Variants in MTHFSD observed in about 807,000 individuals in gnomAD.
MTHFSD encodes the protein methenyltetrahydrofolate synthetase domain containing.
Under a neutral mutation model 31.1 loss-of-function variants are expected in MTHFSD, and 37 were observed. That is an observed-to-expected ratio of 1.19 (90% CI 0.91 to 1.56). The LOEUF (loss-of-function observed/expected upper bound fraction) is 1.56. MTHFSD is among the 40% of genes most tolerant of loss of function. MTHFSD has a pLI of 0.00. For synonymous variants in MTHFSD, 221 were observed against 206.9 expected, an observed-to-expected ratio of 1.07 and a Z score of -0.59; for missense variants, 664 against 510.1, an observed-to-expected ratio of 1.30 and a Z score of -2.91.
chr16:86,534,949 T>C (rs1000417582), intron 7 of MTHFSD, among the ~76,000 whole-genome samples: 1 of 152,222 alleles, frequency 6.6e-6, no homozygotes, highest in Non-Finnish European at 1.5e-5. Context: ...CCCTCCCATC[T>C]GTGTCCAGTA....
intron 3 of MTHFSD, among the ~76,000 whole-genome samples, chr16:86,550,745 A>G (rs1450814314): frequency 3.3e-5 from 5 of 152,212 alleles, no homozygotes; most frequent in African/African-American, 1.2e-4. Context: ...TATTAAAATG[A>G]TTCATTAACT....
At chr16:86,541,873 C>A in intron 6 of MTHFSD, 51 bp from the exon 7 acceptor site, 1 of 1,606,732 alleles carries the variant, frequency 6.2e-7, no homozygotes, top group South Asian at 1.1e-5. Context: ...CCACTGCAGT[C>A]GTGCACACTG....
chr16:86,552,391 T>A, intron 2 of MTHFSD: 3 of 1,004,192 alleles, frequency 3.0e-6, no homozygotes, highest in Non-Finnish European at 4.3e-6. Context: ...AGACAGGCAC[T>A]AACAGTCACC....
intron 3 of MTHFSD, 150 bp downstream of exon 3, chr16:86,551,883 A>C: frequency 7.0e-7 from 1 of 1,438,664 alleles, no homozygotes; most frequent in Admixed American, 2.5e-5. Flanking sequence ...ATTCTTGGAA[A>C]AATCACCACC....
At chr16:86,546,329 T>G (rs139545912) in intron 5 of MTHFSD, among the ~76,000 whole-genome samples, 3 of 152,338 alleles carry the variant, frequency 2.0e-5, no homozygotes, top group Middle Eastern at 3.4e-3. Context: ...TATCTCACTT[T>G]GTTTTTCCTG....
intron 5 of MTHFSD, 119 bp downstream of exon 5, chr16:86,546,440 C>A: frequency 1.2e-6 from 1 of 856,550 alleles, no homozygotes; most frequent in Non-Finnish European, 2.0e-6. Flanking sequence ...CTTCGGAGAC[C>A]AGGTAAGCGC....
chr16:86,542,229 G>T lies in MTHFSD; in HGVS notation c.443-16C>A. ...ATTCTCCAGCCTAAGAGACAACCGA[G>T]AATCAGTATCGCTGTGCGGTCCGGG... is the stretch of plus-strand genomic sequence containing the variant. On this transcript the variant is annotated splice_polypyrimidine_tract_variant and intron_variant, in intron 5 of 7. Coordinates refer to ENST00000360900, the MANE Select transcript of MTHFSD (RefSeq NM_001159377.2). This position sits in a 1 kb window ranked among gnomAD's most constrained non-coding sequence, Gnocchi z 4.6. The T allele has an allele frequency of 6.2e-7, 1 of 1,606,214 alleles. No homozygotes were observed.
chr16:86,533,202 A>G (rs1169589302), intron 7 of MTHFSD: 2 of 152,258 alleles, frequency 1.3e-5, no homozygotes, highest in Non-Finnish European at 2.9e-5. Context: ...TTTCTAATCA[A>G]TTAGCTACGG....
At chr16:86,552,737 A>T (rs566624212) in intron 2 of MTHFSD, among the ~76,000 whole-genome samples, 1 of 152,298 alleles carries the variant, frequency 6.6e-6, no homozygotes, top group East Asian at 1.9e-4. Context: ...TAACAACAAA[A>T]AACCATCAAA....
At chr16:86,536,479 C>T (rs1158698165) in intron 7 of MTHFSD, among the ~76,000 whole-genome samples, 6 of 152,168 alleles carry the variant, frequency 3.9e-5, no homozygotes, top group African/African-American at 1.4e-4. Context: ...TAGAAAAAGG[C>T]TCAATAGGGC....
intron 1 of MTHFSD, 198 bp downstream of exon 1, chr16:86,554,971 G>A: frequency 1.5e-6 from 2 of 1,305,438 alleles, no homozygotes; most frequent in Admixed American, 2.9e-5. Context: ...TATTTTTCCT[G>A]ACATCTTTCT....
intron 7 of MTHFSD, among the ~76,000 whole-genome samples, chr16:86,534,001 T>C (rs895359898): frequency 1.3e-5 from 2 of 152,206 alleles, no homozygotes; most frequent in Non-Finnish European, 2.9e-5. Flanking sequence ...TCCCTGGCAC[T>C]GCCACGTCAG....
At position 86,541,783 on chromosome 16, in the gene MTHFSD, TGTC is replaced by T; in HGVS notation, c.592_594del (p.Asp198del). 1 of 1,614,190 alleles carries T rather than the reference TGTC, an allele frequency of 6.2e-7. No individual in the cohort carries two copies. ...GGAGTGAGGATGTAGTCCACAGTGA[TGTC>T]GTGCTCCTCAACAAGCTCTTCAGGG... On this transcript the variant is annotated inframe_deletion, in exon 7 of 8. Transcript: ENST00000360900.
chr16:86,547,566 C>A, intron 4 of MTHFSD: 1 of 987,920 alleles, frequency 1.0e-6, no homozygotes, highest in African/African-American at 1.7e-5. Context: ...AGGCACTGAC[C>A]AACTGCAAAG....
chr16:86,533,385 G>T (rs556053140), intron 7 of MTHFSD: 1 of 152,326 alleles, frequency 6.6e-6, no homozygotes, highest in South Asian at 2.1e-4. Flanking sequence ...CAGACACTGT[G>T]TAGTCCTTTT....
At chr16:86,539,758 G>C (rs1484913971) in intron 7 of MTHFSD, among the ~76,000 whole-genome samples, 2 of 152,192 alleles carry the variant, frequency 1.3e-5, no homozygotes, top group Non-Finnish European at 2.9e-5. Context: ...CTACTGGAAA[G>C]GTGGAACAAA....
At chr16:86,549,988 C>G (rs1482600148) in intron 3 of MTHFSD, among the ~76,000 whole-genome samples, 1 of 152,170 alleles carries the variant, frequency 6.6e-6, no homozygotes, top group Non-Finnish European at 1.5e-5. Context: ...GCACTGCGGA[C>G]TGTCCGGTCA....
At position 86,548,454 on chromosome 16, in the gene MTHFSD, T is replaced by TG. The variant is rs767138544; in HGVS notation, c.351+9dup. On this transcript the variant is annotated intron_variant, in intron 4 of 7. Transcript: ENST00000360900. ...CTTTCCTAGGTGGGGACATTGCTTCTGGTACTTACCTGAGAGGTGGCACAT... is the reference window on the plus strand; with the variant it reads ...CTTTCCTAGGTGGGGACATTGCTTCTGGGTACTTACCTGAGAGGTGGCACAT... 7.5e-6 allele frequency: 12 copies of TG among 1,607,576 alleles called. No individual in the cohort carries two copies. The highest frequency in any genetic ancestry group is 1.0e-5 in the Non-Finnish European group (12 of 1,174,444).
chr16:86,542,025 T>G lies in MTHFSD; in HGVS notation c.555+76A>C. The G allele has an allele frequency of 1.4e-6, 2 of 1,420,206 alleles. No individual in the cohort carries two copies. The highest frequency in any genetic ancestry group is 9.8e-7 in the Non-Finnish European group (1 of 1,019,470). The allele number at this position is 1,420,206 out of a possible 1,614,324, so 88.0% of individuals were successfully genotyped here. A position where few individuals can be genotyped will look rare whatever the true frequency, so the allele number is the denominator to read the frequency against. ...CCACACAGCATGGTTCAGAAGCAGA[T>G]GAGTCTCCTTCCCCACCCCCTGCTC... On this transcript the variant is annotated intron_variant, in intron 6 of 7. Coordinates refer to ENST00000360900, the MANE Select transcript of MTHFSD (RefSeq NM_001159377.2). The surrounding 1 kb of genome is among the most constrained non-coding windows in gnomAD (Gnocchi z 4.6).
Sources: allele counts gnomAD v4.1 joint callset (sites outside exome capture counted in the v4.1 genomes callset), GRCh38; gene constraint gnomAD v4.1.1; non-coding constraint Gnocchi (gnomAD v3.1); transcripts MANE v1.5; gene names NCBI Gene and HGNC (gene_info 2026-07-23, HGNC 2026-07-21).